MACF1: variants seen among roughly 807,000 people sequenced by gnomAD.
MACF1 encodes microtubule actin crosslinking factor 1, also known as microtubule-actin cross-linking factor 1.
A neutral mutation model predicts 854.8 loss-of-function variants in MACF1; 193 were observed. The observed-to-expected ratio is 0.23, with a 90% CI of 0.20 to 0.25. The LOEUF is 0.25. MACF1 is among the 10% of genes least tolerant of loss of function. The pLI, the probability that MACF1 is intolerant of heterozygous loss-of-function variation, is 1.00. For synonymous variants in MACF1, 3,185 were observed against 3,226.7 expected (o/e 0.99, Z 0.44); for missense variants, 7,722 against 8,929.1 (o/e 0.86, Z 5.45).
rs867044859 is a variant in MACF1, at chr1:39,285,718, C to T, written c.1468C>T (p.Arg490Trp). 5.0e-6 allele frequency: 8 copies of T among 1,613,956 alleles called. No individual in the cohort carries two copies. The highest frequency in any genetic ancestry group is 1.3e-5 in the African/African-American group (1 of 74,938). The stretch of plus-strand genomic sequence containing the variant: ...GCTGCAGGTGGATCTCCAGATCCTG[C>T]GGGATGAGAATTACTACCAGCTAGA... ...RQLQVDLQILRDENYYQLEEL... is the reference protein window; with the variant it reads ...RQLQVDLQILWDENYYQLEEL... Residue 490 changes from arginine to tryptophan, a missense_variant, in exon 14 of 101, where the codon CGG becomes TGG. Around this residue, in one of 15 missense-constraint regions of MACF1, gnomAD observed 1,137 missense variants for 1,263.0 expected, o/e 0.90. Coordinates refer to ENST00000564288, the MANE Select transcript of MACF1 (RefSeq NM_001394062.1).
intron 2 of MACF1, among the ~76,000 whole-genome samples, chr1:39,106,985 TCTTTTTAA>T (rs984273044): frequency 1.5e-4 from 23 of 152,286 alleles, no homozygotes; most frequent in African/African-American, 5.3e-4. Context: ...CTGTGGTCTT[TCTTTTTAA>T]GAAATGTGGT....
chr1:39,287,587 G>A (rs751202276), intron 15 of MACF1, 25 bp downstream of exon 15: 39 of 1,612,800 alleles, frequency 2.4e-5, no homozygotes, highest in Non-Finnish European at 2.2e-5. Context: ...AAAAGCTTAT[G>A]CAGTACACTG....
intron 58 of MACF1, among the ~76,000 whole-genome samples, chr1:39,402,735 A>G (rs1023247234): frequency 6.6e-6 from 1 of 152,158 alleles, no homozygotes; most frequent in African/African-American, 2.4e-5. Context: ...TTAGATATTC[A>G]TTGGCTTCCT....
At chr1:39,360,444 A>G (rs1234057373) in intron 47 of MACF1, among the ~76,000 whole-genome samples, 1 of 151,986 alleles carries the variant, frequency 6.6e-6, no homozygotes, top group African/African-American at 2.4e-5. Context: ...CTTTGTATGC[A>G]GTAAATAACT....
chr1:39,092,907 C>T lies in MACF1; in HGVS notation c.220+8469C>T, dbSNP rs1444892240. 4.6e-5 allele frequency among the ~76,000 whole-genome samples: 7 copies of T among 151,978 alleles called. No individual in the cohort carries two copies. The South Asian group carries it at 1.0e-3, about 23-fold the overall frequency. On this transcript the variant is annotated intron_variant, in intron 2 of 93. Coordinates refer to the MACF1 transcript ENST00000361689. ...CAAGCAATTCTCTGCCTCAGCCCCC[C>T]GAGTAACTGGGATTACAGGTGCCTG... is the stretch of plus-strand genomic sequence containing the variant.
Position 39,334,656 on chromosome 1 carries a change from A to G in MACF1, c.8068A>G (p.Thr2690Ala), listed in dbSNP as rs1226613825. Residue 2690 changes from threonine (T) to alanine (A), a missense_variant, in exon 37 of 101, where the codon ACT becomes GCT. Physicochemically the swap from Thr to Ala is moderately conservative, Grantham distance 58. Around this residue, in one of 15 missense-constraint regions of MACF1, gnomAD observed 1,531 missense variants for 1,601.6 expected, o/e 0.96. Coordinates refer to ENST00000564288, the MANE Select transcript of MACF1 (RefSeq NM_001394062.1). Reference sequence around the variant, plus strand: ...GAAGGTTCTAGAAGCCCAGGCAAATACTGGTGGAATCATAGATACTGCTAC... The same window carrying G: ...GAAGGTTCTAGAAGCCCAGGCAAATGCTGGTGGAATCATAGATACTGCTAC... Reference protein sequence around the residue: ...TLKVLEAQANTGGIIDTATGK... With the variant: ...TLKVLEAQANAGGIIDTATGK... 6.2e-7 allele frequency: 1 copy of G among 1,614,104 alleles called. No individual in the cohort carries two copies. Among genetic ancestry groups the G allele is most frequent in the Admixed American group, 1.7e-5 (1 of 60,018 alleles).
intron 6 of MACF1, among the ~76,000 whole-genome samples, chr1:39,259,132 T>C (rs12071112): frequency 0.031 from 4,706 of 152,278 alleles, 239 homozygotes; most frequent in African/African-American, 0.11. Context: ...GGAACTCTTA[T>C]GAACAGAGGA....
intron 2 of MACF1, among the ~76,000 whole-genome samples, chr1:39,158,194 G>T (rs1263592673): frequency 6.6e-6 from 1 of 152,232 alleles, no homozygotes; most frequent in Admixed American, 6.5e-5. Context: ...AAACAAATCA[G>T]AGTGAAATAG....
At chr1:39,315,820 A>G in intron 27 of MACF1, 129 bp downstream of exon 27, 1 of 886,900 alleles carries the variant, frequency 1.1e-6, no homozygotes, top group Non-Finnish European at 1.6e-6. Context: ...TGATAATGAG[A>G]GGTCTTGGCT....
At chr1:39,419,206 T>C (rs1407332395) in intron 58 of MACF1, among the ~76,000 whole-genome samples, 1 of 152,248 alleles carries the variant, frequency 6.6e-6, no homozygotes, top group Non-Finnish European at 1.5e-5. Context: ...TTAGAGGTGC[T>C]TTCATATATG....
chr1:39,287,387 C>G lies in MACF1; in HGVS notation c.1610C>G (p.Thr537Ser). Residue 537 changes from threonine to serine, a missense_variant, in exon 15 of 101, where the codon ACT becomes AGT. Physicochemically the swap from Thr to Ser is moderately conservative, Grantham distance 58 (BLOSUM62 1). Coordinates refer to ENST00000564288, the MANE Select transcript of MACF1 (RefSeq NM_001394062.1). ...TCACTTGAATTGGTTCCACCCTCTA[C>G]TTTAACCACCACTCATCTGAAAGCA... ...FTSLELVPPS[T>S]LTTTHLKAEP... 1 of 1,614,176 alleles carries G rather than the reference C, an allele frequency of 6.2e-7. No homozygotes were observed. Among genetic ancestry groups the G allele is most frequent in the Non-Finnish European group, 8.5e-7 (1 of 1,180,024 alleles).
intron 72 of MACF1, among the ~76,000 whole-genome samples, chr1:39,440,106 C>CTTTTTTTTT (rs1251165556): frequency 1.2e-4 from 8 of 68,296 alleles, no homozygotes; most frequent in African/African-American, 5.2e-4. Flanking sequence ...CTTTTCTTTT[C>CTTTTTTTTT]TTTTCTTTTT....
chr1:39,381,196 T>G (rs1256917490), intron 55 of MACF1, among the ~76,000 whole-genome samples: 1 of 152,016 alleles, frequency 6.6e-6, no homozygotes, highest in Admixed American at 6.6e-5. Context: ...TAGCTGGCAT[T>G]GCAGGCATGC....
chr1:39,347,579 G>C (rs949846181), intron 41 of MACF1, among the ~76,000 whole-genome samples: 4 of 151,950 alleles, frequency 2.6e-5, no homozygotes, highest in African/African-American at 9.7e-5. Context: ...TTGAGGGCTC[G>C]TAAGAACATC....
intron 58 of MACF1, chr1:39,414,219 G>A: frequency 6.2e-7 from 1 of 1,613,838 alleles, no homozygotes; most frequent in Middle Eastern, 1.7e-4. Context: ...CCCCAGAGGT[G>A]CCTGCCATCC....
intron 2 of MACF1, among the ~76,000 whole-genome samples, chr1:39,106,095 C>T (rs1183243389): frequency 6.6e-6 from 1 of 152,084 alleles, no homozygotes; most frequent in Non-Finnish European, 1.5e-5. Context: ...CGAGCTTCCT[C>T]CCAGAGGGGC....
At chr1:39,323,145 G>A in intron 33 of MACF1, 137 bp downstream of exon 33, 1 of 748,086 alleles carries the variant, frequency 1.3e-6, no homozygotes, top group Non-Finnish European at 2.3e-6. Context: ...TTTGAATCCA[G>A]CATGGGTGAC....
At chr1:39,470,023 A>T (rs1200438512) in intron 97 of MACF1, among the ~76,000 whole-genome samples, 1 of 152,234 alleles carries the variant, frequency 6.6e-6, no homozygotes, top group Admixed American at 6.5e-5. Flanking sequence ...ATTCAGGGCA[A>T]TCTGGGTCTG....
chr1:39,271,327 C>T (rs574570064), intron 6 of MACF1, among the ~76,000 whole-genome samples: 15 of 152,210 alleles, frequency 9.9e-5, no homozygotes, highest in African/African-American at 2.4e-4. Flanking sequence ...ACAGCAGGAA[C>T]GAGAGGTTGT....
Sources: allele counts gnomAD v4.1 joint callset (sites outside exome capture counted in the v4.1 genomes callset), GRCh38; gene constraint gnomAD v4.1.1; regional missense constraint gnomAD v4.1.1; transcripts MANE v1.5; gene names NCBI Gene and HGNC (gene_info 2026-07-23, HGNC 2026-07-21).